Variants in FAM177A1 observed in about 807,000 individuals in gnomAD.
FAM177A1 encodes the protein family with sequence similarity 177 member A1.
In FAM177A1, 22 loss-of-function variants were observed where a neutral mutation model predicts 26.1. The observed-to-expected ratio is 0.84, with a 90% CI of 0.60 to 1.20. The LOEUF (loss-of-function observed/expected upper bound fraction) is 1.20, where lower values mean the gene tolerates loss of function less well. Ranked by LOEUF, FAM177A1 falls within the 50% of genes most tolerant of loss-of-function variation. FAM177A1 has a pLI of 0.00. For synonymous variants in FAM177A1, 95 were observed against 99.3 expected, an observed-to-expected ratio of 0.96 and a Z score of 0.26; for missense variants, 296 against 291.1, an observed-to-expected ratio of 1.02 and a Z score of -0.12.
chr14:35,059,933 G>A, intron 2 of FAM177A1, among the ~76,000 whole-genome samples: 1 of 152,128 alleles, frequency 6.6e-6, no homozygotes, highest in Admixed American at 6.6e-5. Flanking sequence ...CCAAAGTGCT[G>A]GGATTACAGG....
chr14:35,047,714 A>C (rs950960355), intron 1 of FAM177A1, among the ~76,000 whole-genome samples: 1 of 152,024 alleles, frequency 6.6e-6, no homozygotes, highest in Non-Finnish European at 1.5e-5. Flanking sequence ...ACGCCACTGC[A>C]CTCCAGGCTG....
At chr14:35,078,426 A>G (rs1206800689) in intron 3 of FAM177A1, among the ~76,000 whole-genome samples, 1 of 152,050 alleles carries the variant, frequency 6.6e-6, no homozygotes, top group Non-Finnish European at 1.5e-5. Context: ...ATCTTGTCTC[A>G]CCGTAACCTC....
At chr14:35,057,386 C>CT (rs1462373545) in intron 2 of FAM177A1, among the ~76,000 whole-genome samples, 6 of 151,614 alleles carry the variant, frequency 4.0e-5, no homozygotes, top group Non-Finnish European at 7.4e-5. Flanking sequence ...TATGTTATAC[C>CT]TTCTTTTTTT....
At chr14:35,046,143 G>C (rs536424377), upstream of FAM177A1, 65 of 219,128 alleles carry the variant, frequency 3.0e-4, no homozygotes, top group Non-Finnish European at 4.5e-4. Flanking sequence ...ACACGTACCA[G>C]AAATGACGTC....
At chr14:35,076,470 A>T (rs1430137909) in intron 2 of FAM177A1, among the ~76,000 whole-genome samples, 1 of 152,132 alleles carries the variant, frequency 6.6e-6, no homozygotes, top group East Asian at 1.9e-4. Context: ...GAGGGATAGC[A>T]TTAGGAGATA....
chr14:35,069,925 T>G (rs79403677), intron 2 of FAM177A1, among the ~76,000 whole-genome samples: 26,377 of 150,484 alleles, frequency 0.18, 2,456 homozygotes, highest in East Asian at 0.37. Context: ...AGATCAGCCT[T>G]GCCAAGATGG....
intron 2 of FAM177A1, among the ~76,000 whole-genome samples, chr14:35,073,166 G>A (rs1488535399): frequency 6.6e-6 from 1 of 152,142 alleles, no homozygotes; most frequent in Admixed American, 6.6e-5. Flanking sequence ...CATCTCCTGG[G>A]TTCAAGCAAT....
At chr14:35,061,025 T>C (rs12884879) in intron 2 of FAM177A1, among the ~76,000 whole-genome samples, 3,605 of 152,240 alleles carry the variant, frequency 0.024, 66 homozygotes, top group East Asian at 0.034. Context: ...ATTGTTAATC[T>C]CTTATTGTGA....
chr14:35,068,993 A>G (rs2045278433), intron 2 of FAM177A1, among the ~76,000 whole-genome samples: 1 of 152,210 alleles, frequency 6.6e-6, no homozygotes, highest in South Asian at 2.1e-4. Context: ...CTGCTCGTTC[A>G]GTCCCAGCTC....
chr14:35,046,294 G>C lies in FAM177A1; in HGVS notation c.-170G>C, dbSNP rs902727681. 15 of 726,880 alleles carry C rather than the reference G, an allele frequency of 2.1e-5. No individual in the cohort carries two copies. Among genetic ancestry groups the C allele is most frequent in the South Asian group, 2.0e-4 (7 of 35,144 alleles). The allele number at this position is 726,880 out of a possible 1,614,324, so 45.0% of individuals were successfully genotyped here. ...CCCAGACTGCAGTTGGCCAGCTCTC[G>C]GGGTGCGGAGCCCGGCGGGCTAGGC... On this transcript the variant is annotated 5_prime_UTR_variant, in exon 1 of 5. Transcript: ENST00000280987.
rs2045503231 is a variant in FAM177A1, at chr14:35,082,616, ATAAT to A, written c.*1392_*1395del. The A allele has an allele frequency of 6.6e-6, 1 of 152,008 alleles. No individual in the cohort carries two copies. Among genetic ancestry groups the A allele is most frequent in the Non-Finnish European group, 1.5e-5 (1 of 68,030 alleles). The allele number at this position is 152,008 out of a possible 1,614,324, so 9.4% of individuals were successfully genotyped here. A position where few individuals can be genotyped will look rare whatever the true frequency, so the allele number is the denominator to read the frequency against. The stretch of plus-strand genomic sequence containing the variant: ...CCTTTTATCAGTATAACATTGATTT[ATAAT>A]TAAATGTGGGTGAGGAAGAATGTGT... On this transcript the variant is annotated 3_prime_UTR_variant, in exon 5 of 5. Transcript: ENST00000280987.
At chr14:35,056,151 C>A (rs957329068) in intron 2 of FAM177A1, among the ~76,000 whole-genome samples, 3 of 152,050 alleles carry the variant, frequency 2.0e-5, no homozygotes, top group Non-Finnish European at 4.4e-5. Flanking sequence ...TTTCCTGCCT[C>A]AGCCTCCTGA....
At chr14:35,057,389 CT>C (rs35602346) in intron 2 of FAM177A1, among the ~76,000 whole-genome samples, 35 of 147,042 alleles carry the variant, frequency 2.4e-4, no homozygotes, top group Non-Finnish European at 2.3e-4. Flanking sequence ...GTTATACCTT[CT>C]TTTTTTTTTT....
At position 35,077,119 on chromosome 14, in the gene FAM177A1, T is replaced by TG. The variant is rs1238947440; in HGVS notation, c.340-30dup. The TG allele has an allele frequency of 2.6e-6, 4 of 1,559,368 alleles. No individual in the cohort carries two copies. In the African/African-American group the frequency reaches 5.4e-5, roughly 21 times the overall value. On this transcript the variant is annotated intron_variant, in intron 2 of 4. Transcript: ENST00000280987. ...TAAATATATGGAATGAATTTAGGTATGAATGTTGCTAACATGATTTCTTGT... is the reference window on the plus strand; with the variant it reads ...TAAATATATGGAATGAATTTAGGTATGGAATGTTGCTAACATGATTTCTTGT...
intron 1 of FAM177A1, among the ~76,000 whole-genome samples, chr14:35,052,817 G>A (rs1453863286): frequency 6.6e-6 from 1 of 152,068 alleles, no homozygotes; most frequent in African/African-American, 2.4e-5. Flanking sequence ...AGGTACTCAG[G>A]AGGTGGACAC....
chr14:35,054,759 G>A (rs1374084604), intron 2 of FAM177A1: 9 of 152,174 alleles, frequency 5.9e-5, no homozygotes, highest in African/African-American at 2.2e-4. Flanking sequence ...CAGATCACCT[G>A]AGGTCGGGAG....
chr14:35,058,004 T>G (rs893481351), intron 2 of FAM177A1, among the ~76,000 whole-genome samples: 4 of 152,124 alleles, frequency 2.6e-5, no homozygotes, highest in Admixed American at 1.3e-4. Flanking sequence ...TTTATAGTAT[T>G]GTTCAAGCTT....
intron 3 of FAM177A1, among the ~76,000 whole-genome samples, chr14:35,077,836 T>C (rs958680941): frequency 2.0e-5 from 3 of 152,152 alleles, no homozygotes; most frequent in Non-Finnish European, 4.4e-5. Context: ...GTCATTTGGT[T>C]TCCAATTGAT....
In FAM177A1 at chr14:35,079,012, G is replaced by A. The variant is rs1027197919; in HGVS notation, c.492G>A (p.Arg164=). 6.4e-7 allele frequency: 1 copy of A among 1,554,680 alleles called. No individual in the cohort carries two copies. The highest frequency in any genetic ancestry group is 8.6e-7 in the Non-Finnish European group (1 of 1,161,148). The change falls in exon 4 of 5, where the codon CGG becomes CGA. Residue 164 remains arginine (R), a synonymous_variant. Transcript: ENST00000280987. ...KYQYAIDEYY[R]MKKEEEEEEE... is the part of the protein sequence containing the mutation. ...AATATGCCATTGATGAATATTATCG[G>A]ATGAAGAAGGAGGTATGCCTCCTTT...
Sources: gnomAD v4.1 joint callset for allele counts (sites outside exome capture counted in the v4.1 genomes callset) on GRCh38, gnomAD v4.1.1 for gene constraint, MANE v1.5 for transcripts, NCBI Gene and HGNC (gene_info 2026-07-23, HGNC 2026-07-21) for gene names.